The following COPS4 variants were observed in gnomAD, a reference collection of about 807,000 sequenced individuals.
COPS4 encodes the protein COP9 signalosome complex subunit 4.
A neutral mutation model predicts 55.1 loss-of-function variants in COPS4; 8 were observed. The observed-to-expected ratio is 0.15, with a 90% CI of 0.09 to 0.26. The LOEUF (loss-of-function observed/expected upper bound fraction) is 0.26. Among genes scored for constraint, COPS4 ranks in the 10% least tolerant of loss-of-function variants. COPS4 has a pLI of 1.00. For synonymous variants in COPS4, 185 were observed against 165.7 expected (o/e 1.12, Z -0.90); for missense variants, 248 against 484.0 (o/e 0.51, Z 4.58).
intron 4 of COPS4, among the ~76,000 whole-genome samples, chr4:83,050,725 G>T (rs1464529944): frequency 6.6e-6 from 1 of 152,114 alleles, no homozygotes; most frequent in African/African-American, 2.4e-5. Context: ...GGATAGAGTA[G>T]AGTGAGCAAA....
chr4:83,048,772 G>A (rs559400206), intron 2 of COPS4, among the ~76,000 whole-genome samples: 1 of 152,140 alleles, frequency 6.6e-6, no homozygotes, highest in Non-Finnish European at 1.5e-5. Context: ...CTCCTGAGTA[G>A]CTGGGACTAC....
At position 83,049,163 on chromosome 4, in the gene COPS4, A is replaced by C; in HGVS notation, c.155-3A>C. On this transcript the variant is annotated splice_region_variant and splice_polypyrimidine_tract_variant and intron_variant, in intron 2 of 9. Coordinates refer to ENST00000264389, the MANE Select transcript of COPS4 (RefSeq NM_016129.3). ...TCTTATCTTTTTTTTTTTTTTAAAC[A>C]AGTGGTAAATGAGAATGTCAGTCTC... The C allele has an allele frequency of 6.3e-7, 1 of 1,583,710 alleles. No homozygotes were observed. Among genetic ancestry groups the C allele is most frequent in the African/African-American group, 1.4e-5 (1 of 72,420 alleles).
At chr4:83,074,044 C>G (rs1731505447) in intron 9 of COPS4, among the ~76,000 whole-genome samples, 1 of 151,836 alleles carries the variant, frequency 6.6e-6, no homozygotes, top group Admixed American at 6.6e-5. Context: ...ATGGGACATT[C>G]CTCTCAATTT....
At chr4:83,071,368 C>T (rs1259345444) in intron 9 of COPS4, among the ~76,000 whole-genome samples, 1 of 152,196 alleles carries the variant, frequency 6.6e-6, no homozygotes, top group African/African-American at 2.4e-5. Context: ...CCTCCCTTCC[C>T]TCACAACTCT....
chr4:83,067,524 CTTTT>C (rs34638314), intron 8 of COPS4, among the ~76,000 whole-genome samples: 2 of 129,792 alleles, frequency 1.5e-5, no homozygotes, highest in Non-Finnish European at 1.6e-5. Flanking sequence ...ACGCCCAGCC[CTTTT>C]TTTTTTTTTT....
chr4:83,060,001 G>A (rs908667250), intron 6 of COPS4, among the ~76,000 whole-genome samples: 1 of 151,666 alleles, frequency 6.6e-6, no homozygotes, highest in Non-Finnish European at 1.5e-5. Flanking sequence ...GCACCCGGCC[G>A]AAACAGCTCC....
rs747449241 is a variant in COPS4 at position 83,045,705 on chromosome 4, A to G, written c.154A>G (p.Met52Val). The stretch of plus-strand genomic sequence containing the variant: ...AGCTTTGAAAGCTTTTGTGGAAGCA[A>G]GTAAGTGAAATGGAAATTTCATGCT... The part of the protein sequence containing the change: ...LEALKAFVEA[M>V]VNENVSLVIS... The change falls in exon 2 of 10, where the codon ATG becomes GTG. Residue 52 changes from methionine to valine, a missense_variant and splice_region_variant. Met to Val is a conservative substitution (Grantham distance 21, BLOSUM62 1). Transcript: ENST00000264389. The G allele has an allele frequency of 6.2e-7, 1 of 1,608,992 alleles. No homozygotes were observed. The highest frequency in any genetic ancestry group is 2.2e-5 in the East Asian group (1 of 44,724).
intron 4 of COPS4, among the ~76,000 whole-genome samples, chr4:83,054,811 T>C (rs889465650): frequency 6.6e-6 from 1 of 152,220 alleles, no homozygotes; most frequent in Admixed American, 6.5e-5. Context: ...GATAAAAATG[T>C]CATTGGTTTT....
intron 7 of COPS4, among the ~76,000 whole-genome samples, chr4:83,064,869 CTTTTTTTT>C (rs140166684): frequency 2.3e-4 from 17 of 73,594 alleles, no homozygotes; most frequent in African/African-American, 3.6e-4. Flanking sequence ...TAAGCAGTCC[CTTTTTTTT>C]TTTTTTTTTT....
chr4:83,055,276 A>C (rs536494610), intron 4 of COPS4, among the ~76,000 whole-genome samples: 1 of 152,178 alleles, frequency 6.6e-6, no homozygotes, highest in Admixed American at 6.5e-5. Context: ...ACTGAGATGA[A>C]GAAGAAAATG....
At chr4:83,058,165 T>C (rs78911510) in intron 6 of COPS4, among the ~76,000 whole-genome samples, 1,787 of 152,228 alleles carry the variant, frequency 0.012, 39 homozygotes, top group African/African-American at 0.04. Context: ...TTCTTTTTAC[T>C]GAATTTTAGC....
intron 6 of COPS4, among the ~76,000 whole-genome samples, chr4:83,059,358 C>G (rs1374055112): frequency 6.6e-6 from 1 of 151,916 alleles, no homozygotes; most frequent in African/African-American, 2.4e-5. Context: ...GTAAATCCCC[C>G]CATGTTTTCT....
At chr4:83,069,524 A>G (rs1731368225) in intron 9 of COPS4, among the ~76,000 whole-genome samples, 2 of 152,164 alleles carry the variant, frequency 1.3e-5, no homozygotes, top group Non-Finnish European at 2.9e-5. Context: ...CATAGGATTC[A>G]TGGTACATTT....
At chr4:83,056,467 T>A (rs1024212069) in intron 4 of COPS4, among the ~76,000 whole-genome samples, 1 of 152,178 alleles carries the variant, frequency 6.6e-6, no homozygotes, top group Non-Finnish European at 1.5e-5. Context: ...TAATAAAAAT[T>A]CAATAAAACT....
At chr4:83,035,361 C>T in intron 1 of COPS4, 63 bp downstream of exon 1, 2 of 1,339,296 alleles carry the variant, frequency 1.5e-6, no homozygotes, top group South Asian at 2.5e-5. Context: ...GCCTTAATCT[C>T]CTTAGGTTGG....
At chr4:83,051,510 A>G (rs1466739435) in intron 4 of COPS4, among the ~76,000 whole-genome samples, 1 of 152,182 alleles carries the variant, frequency 6.6e-6, no homozygotes, top group Non-Finnish European at 1.5e-5. Context: ...AAGGTAGAGT[A>G]AGGATTTCCT....
At chr4:83,049,007 A>T (rs372542605) in intron 2 of COPS4, among the ~76,000 whole-genome samples, 159 bp from the exon 3 acceptor site, 21 of 152,286 alleles carry the variant, frequency 1.4e-4, no homozygotes, top group Admixed American at 9.2e-4. Context: ...AAAACTGATG[A>T]TGTAATATAA....
intron 9 of COPS4, among the ~76,000 whole-genome samples, chr4:83,072,567 A>G (rs1445498354): frequency 6.6e-6 from 1 of 152,116 alleles, no homozygotes; most frequent in Non-Finnish European, 1.5e-5. Context: ...GTTTTCCTAA[A>G]TTTTTCTAAT....
At chr4:83,044,033 A>T (rs1268630987) in intron 1 of COPS4, among the ~76,000 whole-genome samples, 6 of 152,228 alleles carry the variant, frequency 3.9e-5, no homozygotes, top group Non-Finnish European at 7.3e-5. Flanking sequence ...TAAAAGTCAT[A>T]AATCTGAATG....
Sources: allele counts gnomAD v4.1 joint callset (sites outside exome capture counted in the v4.1 genomes callset), GRCh38; gene constraint gnomAD v4.1.1; transcripts MANE v1.5; gene names NCBI Gene and HGNC (gene_info 2026-07-23, HGNC 2026-07-21).